ASGR2: variants seen among roughly 807,000 people sequenced by gnomAD.
ASGR2 encodes the protein asialoglycoprotein receptor 2, also known as C-type lectin domain family 4 member H2.
A neutral mutation model predicts 32.3 loss-of-function variants in ASGR2; 34 were observed. The observed-to-expected ratio is 1.05, with a 90% CI of 0.80 to 1.40. The LOEUF is 1.40. ASGR2 is among the 40% of genes most tolerant of loss of function. The probability of loss-of-function intolerance (pLI) is 0.00; values close to 1 mark genes in which losing one functional copy is unlikely to be tolerated. For synonymous variants in ASGR2, 143 were observed against 150.0 expected, an observed-to-expected ratio of 0.95 and a Z score of 0.34; for missense variants, 385 against 386.4, an observed-to-expected ratio of 1.00 and a Z score of 0.03.
At chr17:7,106,768 G>A (rs1913745486) in intron 7 of ASGR2, among the ~76,000 whole-genome samples, 2 of 152,114 alleles carry the variant, frequency 1.3e-5, no homozygotes, top group Non-Finnish European at 2.9e-5. Context: ...GCCGGGCATG[G>A]TGGCACGTGC....
intron 2 of ASGR2, among the ~76,000 whole-genome samples, chr17:7,109,784 G>A (rs1281352857): frequency 6.6e-6 from 1 of 151,976 alleles, no homozygotes; most frequent in Middle Eastern, 3.4e-3. Flanking sequence ...ACTCTCACAT[G>A]TGCATATGCA....
In ASGR2 at chr17:7,114,633, G is replaced by A. The variant is rs559386164; in HGVS notation, c.-89C>T. The A allele has an allele frequency of 1.0e-5, 11 of 1,047,952 alleles. No individual in the cohort carries two copies. In the South Asian group the frequency reaches 3.1e-4, roughly 29 times the overall value. 64.9% of individuals were successfully genotyped at this position (1,047,952 alleles called of 1,614,324 possible). ...CAGTTACCTGTGAAAGGTGTGGAGA[G>A]CGGACACCTGGCTCCCGCAGGCAAC... On this transcript the variant is annotated 5_prime_UTR_variant, in exon 1 of 9. Coordinates refer to ENST00000691900, the MANE Select transcript of ASGR2 (RefSeq NM_001201352.2). This position sits in a 1 kb window ranked among gnomAD's most constrained non-coding sequence, Gnocchi z 4.5.
Position 7,107,036 on chromosome 17 carries a change from G to C in ASGR2, c.612C>G (p.Asn204Lys). 5 of 1,614,166 alleles carry C rather than the reference G, an allele frequency of 3.1e-6. No individual in the cohort carries two copies. In the South Asian group the frequency reaches 5.5e-5, roughly 18 times the overall value. The change falls in exon 7 of 9, where the codon AAC becomes AAG. Residue 204 changes from asparagine to lysine, a missense_variant. By Grantham distance (94) the Asn-to-Lys change is moderately conservative. Transcript: ENST00000691900. This position sits in a 1 kb window ranked among gnomAD's most constrained non-coding sequence, Gnocchi z 5.0. ...AGGAGTTGATGACCACCAGGTGTGC[G>C]TTCTCCAGCTGGCAGTACTTCTCCG... The part of the protein sequence containing the change: ...AEAEKYCQLE[N>K]AHLVVINSWE...
At chr17:7,103,675 G>A (rs577343049) in intron 7 of ASGR2, among the ~76,000 whole-genome samples, 8 of 152,150 alleles carry the variant, frequency 5.3e-5, no homozygotes, top group Non-Finnish European at 1.0e-4. Context: ...GAAAGAGGAA[G>A]ATGAGGCAGA....
intron 8 of ASGR2, 140 bp from the exon 9 acceptor site, chr17:7,101,880 C>G: frequency 1.6e-6 from 2 of 1,219,244 alleles, no homozygotes; most frequent in South Asian, 2.9e-5. Context: ...TGGGGAGAAC[C>G]CAACCGCAGA....
Position 7,114,007 on chromosome 17 carries a change from G to A in ASGR2, c.124+110C>T. The A allele has an allele frequency of 2.0e-6, 3 of 1,493,146 alleles. No homozygotes were observed. Among genetic ancestry groups the A allele is most frequent in the Non-Finnish European group, 2.7e-6 (3 of 1,105,530 alleles). The allele number at this position is 1,493,146 out of a possible 1,614,324, so 92.5% of individuals were successfully genotyped here. A position where few individuals can be genotyped will look rare whatever the true frequency, so the allele number is the denominator to read the frequency against. On this transcript the variant is annotated intron_variant, in intron 2 of 8. Coordinates refer to ENST00000691900, the MANE Select transcript of ASGR2 (RefSeq NM_001201352.2). The surrounding 1 kb of genome is among the most constrained non-coding windows in gnomAD (Gnocchi z 4.5). Reference sequence around the variant, plus strand: ...GTGAGGGAACAAGCGGGGGTGTCGGGCCCTCCTCAGTCCCTGTTCACAGAG... The same window carrying A: ...GTGAGGGAACAAGCGGGGGTGTCGGACCCTCCTCAGTCCCTGTTCACAGAG...
In ASGR2 at chr17:7,107,226, C is replaced by T; in HGVS notation, c.496+5G>A. 4 of 1,614,168 alleles carry T rather than the reference C, an allele frequency of 2.5e-6. No homozygotes were observed. In the South Asian group the frequency reaches 3.3e-5, roughly 13 times the overall value. On this transcript the variant is annotated splice_donor_5th_base_variant and intron_variant, in intron 6 of 8. Coordinates refer to ENST00000691900, the MANE Select transcript of ASGR2 (RefSeq NM_001201352.2). The surrounding 1 kb of genome is among the most constrained non-coding windows in gnomAD (Gnocchi z 5.0). Reference sequence around the variant, plus strand: ...CACTGGGCCTGGAGACGGCCCCACCCCTACCGTTGCTGTGGAGGAGCTCCA... The same window carrying T: ...CACTGGGCCTGGAGACGGCCCCACCTCTACCGTTGCTGTGGAGGAGCTCCA...
At chr17:7,112,761 C>G (rs10438727) in intron 2 of ASGR2, among the ~76,000 whole-genome samples, 25,624 of 151,962 alleles carry the variant, frequency 0.17, 2,584 homozygotes, top group South Asian at 0.31. Flanking sequence ...CTCGGTTGGC[C>G]AGCCTCAGGA....
In ASGR2 at chr17:7,108,513, T is replaced by A. The variant is rs772147310; in HGVS notation, c.286A>T (p.Ser96Cys). Residue 96 changes from serine to cysteine, a missense_variant, in exon 4 of 9, where the codon AGC becomes TGC. Ser to Cys is a moderately radical substitution (Grantham distance 112). Transcript: ENST00000691900. This position sits in a 1 kb window ranked among gnomAD's most constrained non-coding sequence, Gnocchi z 4.9. ...AELRSLKEAF[S>C]NFSSSTLTEV... ...GTCAGGGTGCTCGAGGAGAAGTTGC[T>A]GAAAGCTTCCTTCAGGCTCCGCAGC... 4.3e-6 allele frequency: 7 copies of A among 1,610,448 alleles called. No homozygotes were observed. The highest frequency in any genetic ancestry group is 5.9e-6 in the Non-Finnish European group (7 of 1,178,570).
intron 7 of ASGR2, among the ~76,000 whole-genome samples, chr17:7,104,279 C>T (rs1461707042): frequency 1.5e-5 from 2 of 134,474 alleles, no homozygotes; most frequent in Non-Finnish European, 1.5e-5. Flanking sequence ...ACCTGGGAGG[C>T]GGAGGTTGTA....
chr17:7,102,224 C>G, intron 7 of ASGR2, 28 bp from the exon 8 acceptor site: 2 of 1,588,290 alleles, frequency 1.3e-6, no homozygotes, highest in Non-Finnish European at 1.7e-6. Context: ...CAGGAAATTT[C>G]TAGTCTCTTG....
rs749564683 is a variant in ASGR2 at position 7,108,503 on chromosome 17, G to A, written c.296C>T (p.Ser99Phe). 3 of 1,609,848 alleles carry A rather than the reference G, an allele frequency of 1.9e-6. No homozygotes were observed. The highest frequency in any genetic ancestry group is 1.7e-5 in the Admixed American group (1 of 59,356). The change falls in exon 4 of 9, where the codon TCC becomes TTC. Residue 99 changes from serine (S) to phenylalanine (F), a missense_variant. Physicochemically the swap from Ser to Phe is radical, Grantham distance 155 (BLOSUM62 -2). Transcript: ENST00000691900. This position sits in a 1 kb window ranked among gnomAD's most constrained non-coding sequence, Gnocchi z 4.9. ...RSLKEAFSNFSSSTLTEVQAI... is the reference protein window; with the variant it reads ...RSLKEAFSNFFSSTLTEVQAI... ...CTGGACCTCCGTCAGGGTGCTCGAG[G>A]AGAAGTTGCTGAAAGCTTCCTTCAG...
At chr17:7,112,976 C>T (rs1253876169) in intron 2 of ASGR2, among the ~76,000 whole-genome samples, 2 of 152,092 alleles carry the variant, frequency 1.3e-5, no homozygotes, top group Non-Finnish European at 2.9e-5. Flanking sequence ...GGCAACATAG[C>T]AAGACCCCAT....
At position 7,107,503 on chromosome 17, in the gene ASGR2, TCACA is replaced by T. The variant is rs142309551; in HGVS notation, c.410-190_410-187del. 2.9e-3 allele frequency: 1,926 copies of T among 665,178 alleles called. 2 individuals carry two copies. Among genetic ancestry groups the T allele is most frequent in the Non-Finnish European group, 3.8e-3 (1,445 of 383,156 alleles). The allele number at this position is 665,178 out of a possible 1,614,324, so 41.2% of individuals were successfully genotyped here. ...ATAGACCACACCACACACAGATCCA[TCACA>T]CACACACAAACACACCAAGAGACAC... On this transcript the variant is annotated intron_variant, in intron 5 of 8. Transcript: ENST00000691900. This position sits in a 1 kb window ranked among gnomAD's most constrained non-coding sequence, Gnocchi z 5.0.
chr17:7,108,908 G>A lies in ASGR2; in HGVS notation c.125-20C>T. On this transcript the variant is annotated intron_variant, in intron 2 of 8. Coordinates refer to ENST00000691900, the MANE Select transcript of ASGR2 (RefSeq NM_001201352.2). The surrounding 1 kb of genome is among the most constrained non-coding windows in gnomAD (Gnocchi z 4.9). ...GTGGCCCTGTGGGAGAGGGGCATCA[G>A]GAGCCGGCAGCCTGGGTGTGGGGAG... 6.4e-7 allele frequency: 1 copy of A among 1,557,880 alleles called. No individual in the cohort carries two copies. Among genetic ancestry groups the A allele is most frequent in the East Asian group, 2.4e-5 (1 of 41,226 alleles).
At chr17:7,103,270 G>T (rs143109482) in intron 7 of ASGR2, among the ~76,000 whole-genome samples, 1 of 152,306 alleles carries the variant, frequency 6.6e-6, no homozygotes, top group East Asian at 1.9e-4. Flanking sequence ...AGAAACTGGG[G>T]CATCCCTAAA....
chr17:7,112,623 C>T (rs948127805), intron 2 of ASGR2, among the ~76,000 whole-genome samples: 8 of 152,270 alleles, frequency 5.3e-5, no homozygotes, highest in Admixed American at 2.6e-4. Context: ...GTGGGGACAC[C>T]GCCTGGTGGG....
At chr17:7,109,518 C>T (rs1464583004) in intron 2 of ASGR2, among the ~76,000 whole-genome samples, 2 of 152,104 alleles carry the variant, frequency 1.3e-5, no homozygotes, top group African/African-American at 4.8e-5. Flanking sequence ...TCATCCCCCA[C>T]CACGCAAGGC....
chr17:7,103,093 A>G (rs1913093406), intron 7 of ASGR2, among the ~76,000 whole-genome samples: 3 of 152,174 alleles, frequency 2.0e-5, no homozygotes, highest in Admixed American at 6.5e-5. Context: ...TTTGTGGAGA[A>G]AGTGGAGAGG....
Sources: gnomAD v4.1 joint callset for allele counts (sites outside exome capture counted in the v4.1 genomes callset) on GRCh38, gnomAD v4.1.1 for gene constraint, Gnocchi (gnomAD v3.1) non-coding constraint, MANE v1.5 for transcripts, NCBI Gene and HGNC (gene_info 2026-07-23, HGNC 2026-07-21) for gene names.